The following WDFY2 variants were observed in gnomAD, a reference collection of about 807,000 sequenced individuals.
WDFY2 encodes WD repeat and FYVE domain-containing protein 2.
A neutral mutation model predicts 56.4 loss-of-function variants in WDFY2; 36 were observed. That is an observed-to-expected ratio of 0.64 (90% CI 0.49 to 0.84). WDFY2 has a LOEUF of 0.84. Ranked by LOEUF, WDFY2 falls within the 40% of genes least tolerant of loss-of-function variation. WDFY2 has a pLI of 0.00. For synonymous variants in WDFY2, 176 were observed against 183.7 expected, an observed-to-expected ratio of 0.96 and a Z score of 0.34; for missense variants, 444 against 512.2, an observed-to-expected ratio of 0.87 and a Z score of 1.29.
intron 7 of WDFY2, among the ~76,000 whole-genome samples, chr13:51,747,332 A>C (rs147167817): frequency 1.8e-4 from 27 of 152,380 alleles, no homozygotes; most frequent in African/African-American, 6.0e-4. Context: ...GTAAAAACAT[A>C]TTATAGACAA....
intron 1 of WDFY2, among the ~76,000 whole-genome samples, chr13:51,657,596 C>T (rs944019949): frequency 6.6e-6 from 1 of 152,178 alleles, no homozygotes; most frequent in African/African-American, 2.4e-5. Flanking sequence ...TATGTTGGTA[C>T]ACTTGATGAT....
intron 7 of WDFY2, among the ~76,000 whole-genome samples, chr13:51,740,725 A>G (rs1441139344): frequency 6.6e-6 from 1 of 152,132 alleles, no homozygotes; most frequent in Non-Finnish European, 1.5e-5. Flanking sequence ...AAAAAAAAAA[A>G]AAAAGCCAAA....
chr13:51,586,237 A>T (rs1352598249), intron 1 of WDFY2: 1 of 393,604 alleles, frequency 2.5e-6, no homozygotes, highest in Non-Finnish European at 4.5e-6. Flanking sequence ...TATTGTTTTT[A>T]TGGGATATAT....
At chr13:51,610,738 T>G (rs1463786117) in intron 1 of WDFY2, among the ~76,000 whole-genome samples, 1 of 152,214 alleles carries the variant, frequency 6.6e-6, no homozygotes. Context: ...TATGATTGAT[T>G]CTCTGGTTGT....
intron 1 of WDFY2, among the ~76,000 whole-genome samples, chr13:51,597,934 T>C (rs1954183541): frequency 6.6e-6 from 1 of 152,234 alleles, no homozygotes; most frequent in Non-Finnish European, 1.5e-5. Flanking sequence ...GAAGTCTCCC[T>C]CCCACTCATG....
At chr13:51,609,392 C>A (rs1776234783) in intron 1 of WDFY2, among the ~76,000 whole-genome samples, 1 of 151,986 alleles carries the variant, frequency 6.6e-6, no homozygotes, top group African/African-American at 2.4e-5. Context: ...TTAGGGTATT[C>A]ATAATAATAC....
intron 6 of WDFY2, among the ~76,000 whole-genome samples, chr13:51,731,214 A>G (rs912837565): frequency 1.3e-5 from 2 of 152,154 alleles, no homozygotes; most frequent in East Asian, 1.9e-4. Context: ...TCTTGACTCT[A>G]AAGTAATCAG....
intron 7 of WDFY2, among the ~76,000 whole-genome samples, chr13:51,741,062 AAGTTTAGATAAGTCTCTC>A (rs376728375): frequency 1.8e-4 from 27 of 152,338 alleles, no homozygotes; most frequent in African/African-American, 6.0e-4. Context: ...AAAAGCTATA[AAGTTTAGATAAGTCTCTC>A]AGTCCTAGAA....
intron 2 of WDFY2, among the ~76,000 whole-genome samples, chr13:51,664,447 AAG>A (rs1955665573): frequency 6.6e-6 from 1 of 152,204 alleles, no homozygotes; most frequent in African/African-American, 2.4e-5. Context: ...TGCATGGAGA[AAG>A]AGTAAAAAAG....
intron 8 of WDFY2, among the ~76,000 whole-genome samples, chr13:51,752,035 T>G (rs949074992): frequency 1.2e-4 from 19 of 152,222 alleles, no homozygotes; most frequent in African/African-American, 4.3e-4. Flanking sequence ...TCCAATTACG[T>G]TAGAATTATT....
intron 7 of WDFY2, among the ~76,000 whole-genome samples, chr13:51,749,411 G>A (rs950533861): frequency 6.6e-6 from 1 of 152,064 alleles, no homozygotes; most frequent in Non-Finnish European, 1.5e-5. Flanking sequence ...TTTCATTAAT[G>A]CTCCTGGCAT....
At chr13:51,757,104 C>T (rs1346738623) in intron 10 of WDFY2, among the ~76,000 whole-genome samples, 1 of 152,194 alleles carries the variant, frequency 6.6e-6, no homozygotes, top group East Asian at 1.9e-4. Flanking sequence ...GGAGGATCTG[C>T]AGGGTAGCTT....
chr13:51,601,014 G>A (rs1241444558), intron 1 of WDFY2, among the ~76,000 whole-genome samples: 1 of 152,142 alleles, frequency 6.6e-6, no homozygotes, highest in African/African-American at 2.4e-5. Context: ...GAATGGGTAG[G>A]TATTTCAATA....
At chr13:51,681,111 G>A (rs773628788) in intron 3 of WDFY2, among the ~76,000 whole-genome samples, 4 of 152,144 alleles carry the variant, frequency 2.6e-5, no homozygotes, top group African/African-American at 4.8e-5. Flanking sequence ...CATGTTCTAC[G>A]GTGACGACAA....
chr13:51,642,627 C>T (rs1244784330), intron 1 of WDFY2, among the ~76,000 whole-genome samples: 3 of 150,862 alleles, frequency 2.0e-5, no homozygotes, highest in Non-Finnish European at 2.9e-5. Flanking sequence ...CATTCTCAAC[C>T]AGAATAACTT....
At chr13:51,645,774 TTTG>T (rs1428253721) in intron 1 of WDFY2, among the ~76,000 whole-genome samples, 1 of 152,216 alleles carries the variant, frequency 6.6e-6, no homozygotes, top group Non-Finnish European at 1.5e-5. Context: ...GGTGTTTGTC[TTTG>T]TTGTTGGCCT....
intron 1 of WDFY2, among the ~76,000 whole-genome samples, chr13:51,659,916 A>G (rs1191427171): frequency 6.6e-6 from 1 of 152,200 alleles, no homozygotes; most frequent in African/African-American, 2.4e-5. Context: ...TAGTCCCTTC[A>G]CTAATAAAAC....
chr13:51,745,110 G>A (rs1218595599), intron 7 of WDFY2, among the ~76,000 whole-genome samples: 2 of 152,282 alleles, frequency 1.3e-5, no homozygotes, highest in East Asian at 1.9e-4. Context: ...GATCATTGAT[G>A]TGTATCAAGA....
At chr13:51,637,102 G>A (rs908409927) in intron 1 of WDFY2, among the ~76,000 whole-genome samples, 2 of 152,220 alleles carry the variant, frequency 1.3e-5, no homozygotes, top group Non-Finnish European at 2.9e-5. Context: ...ACTATAAGGT[G>A]TGTTAGTTTT....
Sources: allele counts gnomAD v4.1 joint callset (sites outside exome capture counted in the v4.1 genomes callset), GRCh38; gene constraint gnomAD v4.1.1; transcripts MANE v1.5; gene names NCBI Gene and HGNC (gene_info 2026-07-23, HGNC 2026-07-21).